Variants in CPSF7 observed in about 807,000 individuals in gnomAD.
The protein encoded by CPSF7 is cleavage and polyadenylation specific factor 7, also known as cleavage and polyadenylation specificity factor subunit 7.
CPSF7 carries 1 observed loss-of-function variant against 44.3 expected under a neutral mutation model. The ratio of observed to expected loss-of-function variants is 0.02; its 90% CI spans 0.01 to 0.11. The LOEUF is 0.11. Ranked by LOEUF, CPSF7 falls within the 10% of genes least tolerant of loss-of-function variation. The probability of loss-of-function intolerance (pLI) is 1.00; values close to 1 mark genes in which losing one functional copy is unlikely to be tolerated. For missense variants in CPSF7, 443 were observed against 607.2 expected, an observed-to-expected ratio of 0.73 and a Z score of 2.84; for synonymous variants, 202 against 222.0, an observed-to-expected ratio of 0.91 and a Z score of 0.80.
chr11:61,407,309 ACT>A (rs1859418688), intron 9 of CPSF7, among the ~76,000 whole-genome samples: 1 of 152,056 alleles, frequency 6.6e-6, no homozygotes, highest in Admixed American at 6.6e-5. Context: ...CTTCCTGTTC[ACT>A]CTTATCCCAG....
At chr11:61,420,134 C>T (rs906435618) in intron 4 of CPSF7, 40 bp from the exon 5 acceptor site, 2 of 1,511,500 alleles carry the variant, frequency 1.3e-6, no homozygotes, top group African/African-American at 2.8e-5. Context: ...AATCTGTAGA[C>T]AGCCAAGAGA....
In CPSF7 at chr11:61,409,286, A is replaced by T. The variant is rs181422524; in HGVS notation, c.*5+1652T>A. On this transcript the variant is annotated intron_variant, in intron 9 of 9. Transcript: ENST00000439958. ...CAGGAGTTCAAGACCAGCCTGGCCGAGATGATGAAACCCCGTCTCTACTGA... is the reference window on the plus strand; with the variant it reads ...CAGGAGTTCAAGACCAGCCTGGCCGTGATGATGAAACCCCGTCTCTACTGA... Among the ~76,000 whole-genome samples the T allele has an allele frequency of 4.4e-3, 664 of 151,928 alleles. 3 individuals carry two copies. The highest frequency in any genetic ancestry group is 8.5e-3 in the Admixed American group (130 of 15,264).
Position 61,402,942 on chromosome 11 carries a change from TCTA to T in CPSF7, c.*1765_*1767del, listed in dbSNP as rs1388756135. ...TCCGGGTAAACGGCATTTCTGGTAT[TCTA>T]TATATATTTTTCCTTAAACTGTCAC... On this transcript the variant is annotated 3_prime_UTR_variant, in exon 10 of 10. Coordinates refer to ENST00000439958, the MANE Select transcript of CPSF7 (RefSeq NM_001142565.3). 6.6e-6 allele frequency: 1 copy of T among 152,100 alleles called. No homozygotes were observed. Among genetic ancestry groups the T allele is most frequent in the Non-Finnish European group, 1.5e-5 (1 of 68,024 alleles). 9.4% of individuals were successfully genotyped at this position (152,100 alleles called of 1,614,324 possible).
chr11:61,429,553 A>C, intron 1 of CPSF7: 1 of 593,548 alleles, frequency 1.7e-6, no homozygotes, highest in Non-Finnish European at 2.8e-6. Context: ...GAAAAGTCCC[A>C]CCCTCGGGTC....
rs755339835 is a variant in CPSF7 at position 61,416,444 on chromosome 11, A to G, written c.599T>C (p.Val200Ala). Reference protein sequence around the residue: ...DGRATPSENLVPSSARVDKPP... With the variant: ...DGRATPSENLAPSSARVDKPP... ...CTTATCCACACGAGCAGATGAGGGT[A>G]CAAGGTTCTCAGAGGGTGTGGCCCG... The change falls in exon 6 of 10, where the codon GTA becomes GCA. Residue 200 changes from valine (V) to alanine (A), a missense_variant. Transcript: ENST00000439958. 3 of 1,614,136 alleles carry G rather than the reference A, an allele frequency of 1.9e-6. No individual in the cohort carries two copies. Among genetic ancestry groups the G allele is most frequent in the Non-Finnish European group, 1.7e-6 (2 of 1,180,012 alleles).
intron 2 of CPSF7, among the ~76,000 whole-genome samples, chr11:61,425,284 G>A (rs776027684): frequency 1.3e-5 from 2 of 152,188 alleles, no homozygotes; most frequent in African/African-American, 2.4e-5. Flanking sequence ...TAGTAAGACA[G>A]AAACACAGTT....
chr11:61,408,353 C>G (rs142817144), intron 9 of CPSF7, among the ~76,000 whole-genome samples: 1,629 of 152,248 alleles, frequency 0.011, 44 homozygotes, highest in African/African-American at 0.038. Context: ...GTGATCCACC[C>G]ACCTTGGCCT....
At position 61,420,056 on chromosome 11, in the gene CPSF7, T is replaced by C; in HGVS notation, c.416A>G (p.His139Arg). The change falls in exon 5 of 10, where the codon CAC becomes CGC. Residue 139 changes from histidine to arginine, a missense_variant. Coordinates refer to ENST00000439958, the MANE Select transcript of CPSF7 (RefSeq NM_001142565.3). ...EVVVASENSV[H>R]KLLELLPGKV... ...CCCTGGTAGGAGTTCCAACAATTTG[T>C]GGACAGAGTTTTCAGAGGCTACCAC... 6.2e-7 allele frequency: 1 copy of C among 1,614,098 alleles called. No homozygotes were observed. The highest frequency in any genetic ancestry group is 8.5e-7 in the Non-Finnish European group (1 of 1,179,974).
chr11:61,421,442 T>C lies in CPSF7; in HGVS notation c.221A>G (p.Tyr74Cys), dbSNP rs1026159326. 6 of 1,613,992 alleles carry C rather than the reference T, an allele frequency of 3.7e-6. No individual in the cohort carries two copies. The highest frequency in any genetic ancestry group is 2.2e-5 in the East Asian group (1 of 44,900). The change falls in exon 3 of 10, where the codon TAC (tyrosine) becomes TGC (cysteine). Residue 74 changes from tyrosine (Y) to cysteine (C), a missense_variant. Coordinates refer to ENST00000439958, the MANE Select transcript of CPSF7 (RefSeq NM_001142565.3). ...AGCTCGTCTATTACGCAGGCCACTG[T>C]AGGTATACAGAATTGCAGGGGTCTT... Reference protein sequence around the residue: ...NNKTPAILYTYSGLRNRRAAV... With the variant: ...NNKTPAILYTCSGLRNRRAAV...
chr11:61,424,762 T>C (rs1861196584), intron 2 of CPSF7, among the ~76,000 whole-genome samples: 1 of 152,220 alleles, frequency 6.6e-6, no homozygotes, highest in African/African-American at 2.4e-5. Context: ...CTTCTTTTTT[T>C]TTAAATCAAG....
In CPSF7 at chr11:61,421,622, G is replaced by A. The variant is rs747110265; in HGVS notation, c.55-14C>T. The A allele has an allele frequency of 1.3e-6, 2 of 1,583,316 alleles. No individual in the cohort carries two copies. The highest frequency in any genetic ancestry group is 1.7e-6 in the Non-Finnish European group (2 of 1,154,234). ...GAACTCTGGGTCCTAAGAGATGAGG[G>A]GTTGGCAAAGGTAGGTCTGCAAACT... On this transcript the variant is annotated splice_polypyrimidine_tract_variant and intron_variant, in intron 2 of 9. Transcript: ENST00000439958.
rs929867667 is a variant in CPSF7, at chr11:61,423,231, G to T, written c.55-1623C>A. ...TCCATTGCCCAGGCTGGAGTGCAGT[G>T]GCGCCATCTCAGCTCACTGCAACCT... is the stretch of plus-strand genomic sequence containing the variant. On this transcript the variant is annotated intron_variant, in intron 2 of 9. Transcript: ENST00000439958. Among the ~76,000 whole-genome samples, 113 of 145,824 alleles carry T rather than the reference G, an allele frequency of 7.7e-4. 1 individual carries two copies. The highest frequency in any genetic ancestry group is 2.1e-4 in the Non-Finnish European group (14 of 67,088).
intron 2 of CPSF7, among the ~76,000 whole-genome samples, chr11:61,424,752 C>T (rs1173626107): frequency 6.6e-6 from 1 of 151,978 alleles, no homozygotes; most frequent in South Asian, 2.1e-4. Flanking sequence ...TGCACCCAGC[C>T]TTCTTTTTTT....
chr11:61,416,636 G>T, intron 5 of CPSF7, 117 bp from the exon 6 acceptor site: 1 of 1,095,110 alleles, frequency 9.1e-7, no homozygotes, highest in South Asian at 1.5e-5. Flanking sequence ...AAGAGGCTGA[G>T]AAGGTAAAAT....
chr11:61,415,815 T>C, intron 6 of CPSF7, 31 bp from the exon 7 acceptor site: 1 of 1,417,932 alleles, frequency 7.1e-7, no homozygotes, highest in Non-Finnish European at 1.0e-6. Flanking sequence ...CCTTGATTGC[T>C]CACATCCCTT....
intron 2 of CPSF7, among the ~76,000 whole-genome samples, chr11:61,428,037 G>A (rs1377062829): frequency 6.6e-6 from 1 of 152,222 alleles, no homozygotes; most frequent in Non-Finnish European, 1.5e-5. Flanking sequence ...CAAATGGGAA[G>A]AGCCAGCTTA....
Position 61,412,390 on chromosome 11 carries a change from C to T in CPSF7, c.1058-453G>A, listed in dbSNP as rs562756002. 4.9e-4 allele frequency among the ~76,000 whole-genome samples: 75 copies of T among 151,780 alleles called. 1 individual carries two copies. In the East Asian group the frequency reaches 0.013, roughly 26 times the overall value. On this transcript the variant is annotated intron_variant, in intron 7 of 9. Coordinates refer to ENST00000439958, the MANE Select transcript of CPSF7 (RefSeq NM_001142565.3). ...CTGCAAGCTCCGCCTCCCAGGTTCA[C>T]GCCATCCTCCTGCCTCAGCCTCCTG... is the stretch of plus-strand genomic sequence containing the variant.
At position 61,412,056 on chromosome 11, in the gene CPSF7, TA is replaced by T. The variant is rs1260280491; in HGVS notation, c.1058-120del. ...AGCTAGCCGTCCCAAACAACCGCGG[TA>T]AAAGAGACAAGGCAGATGTTGCAAG... On this transcript the variant is annotated intron_variant, in intron 7 of 9. Transcript: ENST00000439958. 5.4e-6 allele frequency: 4 copies of T among 740,178 alleles called. No individual in the cohort carries two copies. In the Admixed American group the frequency reaches 9.5e-5, roughly 18 times the overall value. The allele number at this position is 740,178 out of a possible 1,614,324, so 45.9% of individuals were successfully genotyped here. A position where few individuals can be genotyped will look rare whatever the true frequency, so the allele number is the denominator to read the frequency against.
chr11:61,411,783 A>C lies in CPSF7; in HGVS notation c.1212T>G (p.Ser404Arg). 6.2e-7 allele frequency: 1 copy of C among 1,612,230 alleles called. No homozygotes were observed. The highest frequency in any genetic ancestry group is 8.5e-7 in the Non-Finnish European group (1 of 1,179,208). Residue 404 changes from serine to arginine, a missense_variant, in exon 8 of 10, where the codon AGT becomes AGG. Coordinates refer to ENST00000439958, the MANE Select transcript of CPSF7 (RefSeq NM_001142565.3). ...IEAKSYSVGA[S>R]GSSSRKRHRS... ...CACCAACTCACCTGGAAGAGCTCCC[A>C]CTGGCACCCACACTGTAGGACTTGG...
Sources: allele counts gnomAD v4.1 joint callset (sites outside exome capture counted in the v4.1 genomes callset), GRCh38; gene constraint gnomAD v4.1.1; transcripts MANE v1.5; gene names NCBI Gene and HGNC (gene_info 2026-07-23, HGNC 2026-07-21).